The following FER variants were observed in gnomAD, a reference collection of about 807,000 sequenced individuals.
The protein encoded by FER is FER tyrosine kinase, also known as tyrosine-protein kinase Fer.
Under a neutral mutation model 111.0 loss-of-function variants are expected in FER, and 63 were observed. The observed-to-expected ratio is 0.57, with a 90% CI of 0.46 to 0.70. The LOEUF is 0.70. Among genes scored for constraint, FER ranks in the 30% least tolerant of loss-of-function variants. The pLI is 0.00. For synonymous variants in FER, 327 were observed against 313.9 expected (o/e 1.04, Z -0.44); for missense variants, 914 against 954.0 (o/e 0.96, Z 0.55).
chr5:108,851,945 T>C (rs749895171), intron 5 of FER, among the ~76,000 whole-genome samples: 21 of 152,218 alleles, frequency 1.4e-4, no homozygotes, highest in Non-Finnish European at 2.8e-4. Flanking sequence ...TACTCCACAT[T>C]ACACATGCCC....
At chr5:109,014,071 A>G (rs543563648) in intron 13 of FER, among the ~76,000 whole-genome samples, 3 of 150,466 alleles carry the variant, frequency 2.0e-5, no homozygotes, top group East Asian at 2.0e-4. Flanking sequence ...TGCTGTGCAG[A>G]AGCTCTTTAG....
chr5:108,831,406 T>A (rs1167392790), intron 3 of FER, among the ~76,000 whole-genome samples: 2 of 152,172 alleles, frequency 1.3e-5, no homozygotes, highest in Non-Finnish European at 2.9e-5. Flanking sequence ...CATGTTTATA[T>A]AGTTTTATAC....
At chr5:108,805,780 A>C (rs1204815747) in intron 3 of FER, among the ~76,000 whole-genome samples, 3 of 152,220 alleles carry the variant, frequency 2.0e-5, no homozygotes, top group African/African-American at 4.8e-5. Context: ...ATTTCTAAGC[A>C]GCAAAGCACT....
In FER at chr5:108,871,388, G is replaced by T; in HGVS notation, c.689G>T (p.Ser230Ile). 1 of 1,610,894 alleles carries T rather than the reference G, an allele frequency of 6.2e-7. No individual in the cohort carries two copies. Among genetic ancestry groups the T allele is most frequent in the South Asian group, 1.1e-5 (1 of 90,768 alleles). The part of the protein sequence containing the change: ...KALKGIFDEY[S>I]QITSLVTEEI... ...AGCAAAGGTATATTTGATGAATACA[G>T]CCAGATAACCAGTCTTGTCACAGAG... The change falls in exon 7 of 20, where the codon AGC (serine) becomes ATC (isoleucine). Residue 230 changes from serine to isoleucine, a missense_variant. By Grantham distance (142) the Ser-to-Ile change is moderately radical. Around this residue, in one of 3 missense-constraint regions of FER, gnomAD observed 774 missense variants for 782.6 expected, o/e 0.99. Transcript: ENST00000281092.
At chr5:108,892,087 C>T (rs1263260386) in intron 9 of FER, among the ~76,000 whole-genome samples, 1 of 152,028 alleles carries the variant, frequency 6.6e-6, no homozygotes, top group African/African-American at 2.4e-5. Context: ...TGGGTTGGTT[C>T]CAAGTCTTTG....
chr5:109,034,216 C>T (rs1306162516), intron 13 of FER, among the ~76,000 whole-genome samples: 4 of 152,122 alleles, frequency 2.6e-5, no homozygotes, highest in Admixed American at 2.0e-4. Context: ...CTGTCTATAA[C>T]TTAGACTGGA....
At chr5:109,048,045 G>A (rs752579466) in intron 16 of FER, among the ~76,000 whole-genome samples, 5 of 152,016 alleles carry the variant, frequency 3.3e-5, no homozygotes, top group Admixed American at 6.6e-5. Context: ...AAGTGAAAGG[G>A]ATTTGCTTTA....
chr5:109,008,774 C>A (rs931621002), intron 13 of FER, among the ~76,000 whole-genome samples: 3 of 152,000 alleles, frequency 2.0e-5, no homozygotes, highest in African/African-American at 7.2e-5. Flanking sequence ...AGTTTGAGAC[C>A]AGCCTGACCA....
chr5:109,107,065 T>A (rs1338373195), intron 17 of FER, among the ~76,000 whole-genome samples: 3 of 152,184 alleles, frequency 2.0e-5, no homozygotes, highest in Non-Finnish European at 4.4e-5. Flanking sequence ...AAGGGAATAG[T>A]AGTACATTAA....
chr5:108,961,087 C>T (rs554849066), intron 13 of FER, among the ~76,000 whole-genome samples: 1 of 151,922 alleles, frequency 6.6e-6, no homozygotes, highest in Non-Finnish European at 1.5e-5. Flanking sequence ...GACCCTGTCT[C>T]TAAATAAAGT....
chr5:108,906,955 CAGT>C (rs1750866824), intron 10 of FER, among the ~76,000 whole-genome samples: 1 of 152,096 alleles, frequency 6.6e-6, no homozygotes, highest in Admixed American at 6.6e-5. Flanking sequence ...ATCTTTCTAA[CAGT>C]GGTGTAGGGT....
intron 13 of FER, among the ~76,000 whole-genome samples, chr5:109,021,172 A>G (rs1198788403): frequency 2.6e-5 from 4 of 151,986 alleles, no homozygotes; most frequent in African/African-American, 9.7e-5. Flanking sequence ...TATTTGCTGT[A>G]CTCAGTGTTA....
rs1380468588 is a variant in FER, at chr5:109,042,206, A to G, written c.1714-2474A>G. On this transcript the variant is annotated intron_variant, in intron 14 of 19. Transcript: ENST00000281092. The stretch of plus-strand genomic sequence containing the variant: ...CCAGGGTCATCTTACATTGACTGAC[A>G]TAAACACAGTCAAGGGGCATAAGAT... Among the ~76,000 whole-genome samples, 3 of 152,186 alleles carry G rather than the reference A, an allele frequency of 2.0e-5. No homozygotes were observed. In the East Asian group the frequency reaches 5.8e-4, roughly 29 times the overall value.
At chr5:109,013,132 G>C (rs1411912565) in intron 13 of FER, among the ~76,000 whole-genome samples, 1 of 150,976 alleles carries the variant, frequency 6.6e-6, no homozygotes, top group Non-Finnish European at 1.5e-5. Flanking sequence ...ACAATGTACA[G>C]GTTAGTTACA....
In FER at chr5:108,845,177, G is replaced by A. The variant is rs1025306414; in HGVS notation, c.481+9370G>A. ...TTCTAGTAGACTTTTGTTTTGTTTT[G>A]TTTTGTTTTTTTTACATGGTGTCTT... On this transcript the variant is annotated intron_variant, in intron 5 of 19. Transcript: ENST00000281092. Among the ~76,000 whole-genome samples, 3 of 146,096 alleles carry A rather than the reference G, an allele frequency of 2.1e-5. No individual in the cohort carries two copies. The Admixed American group carries it at 2.1e-4, about 10-fold the overall frequency.
At chr5:109,027,967 T>A (rs1768997995) in intron 13 of FER, among the ~76,000 whole-genome samples, 1 of 152,246 alleles carries the variant, frequency 6.6e-6, no homozygotes, top group African/African-American at 2.4e-5. Context: ...AAAAGTACTA[T>A]ATTAATGACA....
At chr5:108,819,122 C>G (rs1758568997) in intron 3 of FER, among the ~76,000 whole-genome samples, 1 of 151,630 alleles carries the variant, frequency 6.6e-6, no homozygotes, top group Non-Finnish European at 1.5e-5. Context: ...CTTAAGTGAT[C>G]CTCTCACCTC....
Position 108,751,019 on chromosome 5 carries a change from A to G in FER, c.-206+3019A>G, listed in dbSNP as rs377666143. 3.5e-4 allele frequency among the ~76,000 whole-genome samples: 53 copies of G among 152,134 alleles called. No individual in the cohort carries two copies. In the South Asian group the frequency reaches 1.0e-2, roughly 29 times the overall value. ...ACCAGCCTGACCAAAATGGAGAAAC[A>G]TGGTCTCTAATAAAAATACAAAATT... is the stretch of plus-strand genomic sequence containing the variant. On this transcript the variant is annotated intron_variant, in intron 1 of 19. Coordinates refer to ENST00000281092, the MANE Select transcript of FER (RefSeq NM_005246.4).
At chr5:108,813,248 C>T (rs534625411) in intron 3 of FER, among the ~76,000 whole-genome samples, 2 of 152,168 alleles carry the variant, frequency 1.3e-5, no homozygotes, top group Admixed American at 1.3e-4. Flanking sequence ...TATCATCTTA[C>T]TTGTGTTGTT....
Sources: gnomAD v4.1 joint callset for allele counts (sites outside exome capture counted in the v4.1 genomes callset) on GRCh38, gnomAD v4.1.1 for gene constraint, gnomAD v4.1.1 regional missense constraint, MANE v1.5 for transcripts, NCBI Gene and HGNC (gene_info 2026-07-23, HGNC 2026-07-21) for gene names.